Variants in SCARA5 observed in about 807,000 individuals in gnomAD.
SCARA5 encodes the protein scavenger receptor class A, member 5 (putative).
In SCARA5, 45 loss-of-function variants were observed where a neutral mutation model predicts 46.3. The ratio of observed to expected loss-of-function variants is 0.97; its 90% CI spans 0.76 to 1.24. SCARA5 has a LOEUF of 1.24. Among genes scored for constraint, SCARA5 ranks in the 50% most tolerant of loss-of-function variants. The pLI is 0.00. For synonymous variants in SCARA5, 333 were observed against 306.5 expected, an observed-to-expected ratio of 1.09 and a Z score of -0.90; for missense variants, 680 against 689.0, an observed-to-expected ratio of 0.99 and a Z score of 0.15.
At chr8:27,881,889 C>G (rs1486809472) in intron 7 of SCARA5, among the ~76,000 whole-genome samples, 1 of 152,180 alleles carries the variant, frequency 6.6e-6, no homozygotes, top group East Asian at 1.9e-4. Flanking sequence ...CCAGAGTCCA[C>G]AATTTACATT....
chr8:27,949,902 T>C (rs1278098502), intron 3 of SCARA5, among the ~76,000 whole-genome samples: 1 of 152,246 alleles, frequency 6.6e-6, no homozygotes, highest in Non-Finnish European at 1.5e-5. Flanking sequence ...AGAAGGGCTG[T>C]TGCAGAAAGT....
chr8:27,932,164 G>C (rs1250617504), intron 3 of SCARA5, among the ~76,000 whole-genome samples: 4 of 152,006 alleles, frequency 2.6e-5, no homozygotes, highest in Admixed American at 6.6e-5. Flanking sequence ...ATTTTGTGTA[G>C]AGATGGGGTT....
chr8:27,946,976 C>A (rs745661853), intron 3 of SCARA5, among the ~76,000 whole-genome samples: 1 of 151,084 alleles, frequency 6.6e-6, no homozygotes, highest in African/African-American at 2.4e-5. Flanking sequence ...TCTCTCCTAG[C>A]GAACAGAGAT....
chr8:27,931,350 A>G (rs991099056), intron 3 of SCARA5, among the ~76,000 whole-genome samples: 7 of 152,180 alleles, frequency 4.6e-5, no homozygotes, highest in Non-Finnish European at 1.0e-4. Context: ...CTAAGGCACA[A>G]TGAAGCCTGT....
At chr8:27,954,452 A>T (rs1028333527) in intron 3 of SCARA5, among the ~76,000 whole-genome samples, 1 of 152,244 alleles carries the variant, frequency 6.6e-6, no homozygotes, top group Non-Finnish European at 1.5e-5. Context: ...TTTGCACAAC[A>T]GCATTCACAG....
chr8:27,924,349 G>C (rs1284641987), intron 3 of SCARA5, among the ~76,000 whole-genome samples: 1 of 152,170 alleles, frequency 6.6e-6, no homozygotes, highest in Non-Finnish European at 1.5e-5. Flanking sequence ...TGAGAAGGAG[G>C]GATATAGGTT....
chr8:27,968,857 C>A (rs1808407688), intron 2 of SCARA5, among the ~76,000 whole-genome samples: 2 of 152,250 alleles, frequency 1.3e-5, no homozygotes, highest in South Asian at 4.1e-4. Context: ...AGAATATTTC[C>A]CTTGCCCTCT....
chr8:27,883,161 A>G (rs140647567), intron 7 of SCARA5, among the ~76,000 whole-genome samples: 90 of 152,354 alleles, frequency 5.9e-4, no homozygotes, highest in Non-Finnish European at 1.0e-3. Flanking sequence ...TGAAAAATCA[A>G]TGTTTGCAGA....
chr8:27,979,812 C>T (rs1308774362), intron 2 of SCARA5, among the ~76,000 whole-genome samples: 6 of 152,134 alleles, frequency 3.9e-5, no homozygotes, highest in African/African-American at 7.2e-5. Flanking sequence ...CCACCCGCCT[C>T]GGCCTCCCAA....
Position 27,888,549 on chromosome 8 carries a change from G to A in SCARA5, c.1154-8783C>T, listed in dbSNP as rs116047619. ...TGAAATTTACCATTGCCTTTAAACA[G>A]CCTTGCTTGTAAGCCATCCAGGAGG... is the stretch of plus-strand genomic sequence containing the variant. On this transcript the variant is annotated intron_variant, in intron 7 of 8. Coordinates refer to ENST00000354914, the MANE Select transcript of SCARA5 (RefSeq NM_173833.6). Among the ~76,000 whole-genome samples the A allele has an allele frequency of 2.5e-3, 375 of 152,268 alleles. 5 individuals are homozygous for A. Among genetic ancestry groups the A allele is most frequent in the African/African-American group, 8.6e-3 (357 of 41,556 alleles).
At chr8:27,908,110 T>A (rs1260516363) in intron 5 of SCARA5, among the ~76,000 whole-genome samples, 2 of 139,326 alleles carry the variant, frequency 1.4e-5, no homozygotes, top group African/African-American at 2.6e-5. Flanking sequence ...TCGGTCAGCA[T>A]CGCTTCATGC....
At chr8:27,886,289 A>T (rs182558391) in intron 7 of SCARA5, among the ~76,000 whole-genome samples, 1 of 152,376 alleles carries the variant, frequency 6.6e-6, no homozygotes, top group East Asian at 1.9e-4. Context: ...TGCCTGCCCC[A>T]GCAGGGTCAA....
intron 2 of SCARA5, among the ~76,000 whole-genome samples, chr8:27,979,733 T>C (rs1198237327): frequency 1.3e-5 from 2 of 152,092 alleles, no homozygotes; most frequent in African/African-American, 4.8e-5. Context: ...TAATTTTTTT[T>C]GTATTTTAGT....
At chr8:27,965,986 T>C (rs997037769) in intron 3 of SCARA5, among the ~76,000 whole-genome samples, 1 of 152,238 alleles carries the variant, frequency 6.6e-6, no homozygotes, top group Non-Finnish European at 1.5e-5. Flanking sequence ...AAACCCATTC[T>C]ACCTACAGTA....
rs140422816 is a variant in SCARA5, at chr8:27,969,478, C to T, written c.113-2936G>A. On this transcript the variant is annotated intron_variant, in intron 2 of 8. Transcript: ENST00000354914. ...AAACTATGGAGGCAGTAAAAAGATC[C>T]GTGGTTGCCAGGGATTGGGAGGGCA... Among the ~76,000 whole-genome samples, 141 of 152,182 alleles carry T rather than the reference C, an allele frequency of 9.3e-4. 1 individual carries two copies. Among genetic ancestry groups the T allele is most frequent in the African/African-American group, 3.1e-3 (130 of 41,510 alleles).
intron 8 of SCARA5, among the ~76,000 whole-genome samples, chr8:27,876,390 G>A (rs1194337522): frequency 1.3e-5 from 2 of 152,166 alleles, no homozygotes; most frequent in Non-Finnish European, 2.9e-5. Flanking sequence ...ACGAGGTGGG[G>A]ACAGGTTCAA....
intron 6 of SCARA5, among the ~76,000 whole-genome samples, chr8:27,906,699 T>G (rs189706671): frequency 4.6e-5 from 7 of 152,322 alleles, no homozygotes; most frequent in East Asian, 3.9e-4. Flanking sequence ...TTCTAGATTT[T>G]TGTGTGTGTG....
At chr8:27,916,082 C>A (rs953048255) in intron 4 of SCARA5, among the ~76,000 whole-genome samples, 2 of 152,038 alleles carry the variant, frequency 1.3e-5, no homozygotes, top group African/African-American at 4.8e-5. Flanking sequence ...GCTAAAAATC[C>A]AAAACAGAAA....
rs1251706588 is a variant in SCARA5, at chr8:27,922,387, C to T, written c.242-142G>A. ...ATAAAATCACAGGTGGTGTGCTGAGCGCTTTACTAGATCCCAGGTATTGTG... is the reference window on the plus strand; with the variant it reads ...ATAAAATCACAGGTGGTGTGCTGAGTGCTTTACTAGATCCCAGGTATTGTG... On this transcript the variant is annotated intron_variant, in intron 3 of 8. Transcript: ENST00000354914. The T allele has an allele frequency of 4.2e-5, 24 of 575,064 alleles. No individual in the cohort carries two copies. In the South Asian group the frequency reaches 5.3e-4, roughly 13 times the overall value. The allele number at this position is 575,064 out of a possible 1,614,324, so 35.6% of individuals were successfully genotyped here. A position where few individuals can be genotyped will look rare whatever the true frequency, so the allele number is the denominator to read the frequency against.
Sources: allele counts gnomAD v4.1 joint callset (sites outside exome capture counted in the v4.1 genomes callset), GRCh38; gene constraint gnomAD v4.1.1; transcripts MANE v1.5; gene names NCBI Gene and HGNC (gene_info 2026-07-23, HGNC 2026-07-21).